The following NPEPL1 variants were observed in gnomAD, a reference collection of about 807,000 sequenced individuals.
NPEPL1 encodes aminopeptidase like 1.
In NPEPL1, 45 loss-of-function variants were observed where a neutral mutation model predicts 52.4. The ratio of observed to expected loss-of-function variants is 0.86; its 90% CI spans 0.68 to 1.10. NPEPL1 has a LOEUF of 1.10. Ranked by LOEUF, NPEPL1 falls within the 50% of genes least tolerant of loss-of-function variation. The pLI, the probability that NPEPL1 is intolerant of heterozygous loss-of-function variation, is 0.00. For synonymous variants in NPEPL1, 360 were observed against 314.7 expected, an observed-to-expected ratio of 1.14 and a Z score of -1.52; for missense variants, 696 against 710.9, an observed-to-expected ratio of 0.98 and a Z score of 0.24.
upstream of NPEPL1, chr20:58,691,957 C>G (rs1183625774): frequency 2.9e-6 from 2 of 697,390 alleles, no homozygotes; most frequent in African/African-American, 3.5e-5. Flanking sequence ...AGGCTCACCC[C>G]TGGCTCCTCC....
upstream of NPEPL1, chr20:58,692,097 G>T: frequency 2.1e-6 from 1 of 480,574 alleles, no homozygotes; most frequent in Non-Finnish European, 3.7e-6. The surrounding 1 kb of genome is among the most constrained non-coding windows in gnomAD (Gnocchi z 5.7). Flanking sequence ...TGTGCCAGAT[G>T]ACCCTTCTTG....
At chr20:58,708,912 G>T (rs1303360352) in intron 7 of NPEPL1, among the ~76,000 whole-genome samples, 2 of 152,142 alleles carry the variant, frequency 1.3e-5, no homozygotes, top group African/African-American at 4.8e-5. Context: ...CCAGCCCTCT[G>T]TGGCCGTCTT....
Position 58,713,439 on chromosome 20 carries a change from A to G in NPEPL1, c.1021A>G (p.Thr341Ala), listed in dbSNP as rs759307607. Reference protein sequence around the residue: ...YSGKTVEINNTDAEGRLVLAD... With the variant: ...YSGKTVEINNADAEGRLVLAD... Reference sequence around the variant, plus strand: ...CCCCAGGACGGTGGAAATCAACAACACGGATGCCGAGGGCAGGCTGGTGCT... The same window carrying G: ...CCCCAGGACGGTGGAAATCAACAACGCGGATGCCGAGGGCAGGCTGGTGCT... Residue 341 changes from threonine (T) to alanine (A), a missense_variant, in exon 9 of 12, where the codon ACG becomes GCG. Transcript: ENST00000356091. The surrounding 1 kb of genome is among the most constrained non-coding windows in gnomAD (Gnocchi z 4.6). The G allele has an allele frequency of 6.2e-7, 1 of 1,608,840 alleles. No homozygotes were observed. The highest frequency in any genetic ancestry group is 8.5e-7 in the Non-Finnish European group (1 of 1,177,746).
At chr20:58,692,043 T>G (rs2084359445), upstream of NPEPL1, 6 of 590,332 alleles carry the variant, frequency 1.0e-5, 1 homozygote, top group South Asian at 1.3e-4. The surrounding 1 kb of genome is among the most constrained non-coding windows in gnomAD (Gnocchi z 5.7). Context: ...CAGGTCACCC[T>G]GCTCCTTCCT....
Position 58,707,167 on chromosome 20 carries a change from C to A in NPEPL1, c.867C>A (p.Ala289=). 2 of 1,552,444 alleles carry A rather than the reference C, an allele frequency of 1.3e-6. No individual in the cohort carries two copies. The highest frequency in any genetic ancestry group is 1.7e-6 in the Non-Finnish European group (2 of 1,147,744). ...AGCGAGACTGCGGGGGTGCTGCGGC[C>A]GTCCTGGGGGCCTTCAGAGCCGCAA... The part of the protein sequence containing the change: ...GMKRDCGGAA[A]VLGAFRAAIK... Residue 289 remains alanine (A), a synonymous_variant, in exon 7 of 12, where the codon GCC becomes GCA. Transcript: ENST00000356091.
intron 6 of NPEPL1, chr20:58,705,389 C>T (rs892594549): frequency 3.2e-5 from 14 of 444,058 alleles, no homozygotes; most frequent in Middle Eastern, 3.3e-4. Context: ...ATGAGTCACA[C>T]GGAATATGGA....
In NPEPL1 at chr20:58,713,226, G is replaced by C. The variant is rs148508965; in HGVS notation, c.1002-194G>C. On this transcript the variant is annotated intron_variant, in intron 8 of 11. Transcript: ENST00000356091. The surrounding 1 kb of genome is among the most constrained non-coding windows in gnomAD (Gnocchi z 4.6). ...AGCAGCGGGGCAGGGATGTCACCTG[G>C]AAGCCCTTTGCTCCAGGCACTGCAT... 1.8e-3 allele frequency: 1,135 copies of C among 618,070 alleles called. 9 individuals are homozygous for C. The African/African-American group carries it at 0.019, about 10-fold the overall frequency. The allele number at this position is 618,070 out of a possible 1,614,324, so 38.3% of individuals were successfully genotyped here.
chr20:58,694,005 C>A, intron 2 of NPEPL1, 83 bp downstream of exon 2: 1 of 1,327,568 alleles, frequency 7.5e-7, no homozygotes, highest in Non-Finnish European at 1.0e-6. Flanking sequence ...CAGCCCTGCT[C>A]AGACTGCAGC....
chr20:58,714,209 A>T (rs2123157177), intron 10 of NPEPL1, 116 bp downstream of exon 10: 1 of 1,156,846 alleles, frequency 8.6e-7, no homozygotes, highest in Non-Finnish European at 1.2e-6. Context: ...AAGCAGCCAC[A>T]GTGCAGACGA....
In NPEPL1 at chr20:58,699,236, A is replaced by G. The variant is rs902757272; in HGVS notation, c.637A>G (p.Thr213Ala). The G allele has an allele frequency of 2.7e-5, 44 of 1,606,360 alleles. No individual in the cohort carries two copies. Among genetic ancestry groups the G allele is most frequent in the African/African-American group, 6.7e-5 (5 of 74,822 alleles). ...TGGAAAGGAGCTGGGGATCATCCCA[A>G]CCATCATCCGGGATGAGGAACTGAA... ...KVGKELGIIP[T>A]IIRDEELKTR... Residue 213 changes from threonine to alanine, a missense_variant, in exon 5 of 12, where the codon ACC becomes GCC. Thr to Ala is a moderately conservative substitution (Grantham distance 58, BLOSUM62 0). Transcript: ENST00000356091.
At chr20:58,708,638 A>G (rs921381677) in intron 7 of NPEPL1, among the ~76,000 whole-genome samples, 4 of 152,232 alleles carry the variant, frequency 2.6e-5, no homozygotes, top group Non-Finnish European at 4.4e-5. Flanking sequence ...ACCAAGGGAC[A>G]CGGCTGGCAC....
At chr20:58,707,816 G>T (rs1290719656) in intron 7 of NPEPL1, among the ~76,000 whole-genome samples, 1 of 152,240 alleles carries the variant, frequency 6.6e-6, no homozygotes, top group Non-Finnish European at 1.5e-5. Context: ...GCCAGCTCAT[G>T]CTGGTAATCC....
At position 58,704,363 on chromosome 20, in the gene NPEPL1, T is replaced by C. The variant is rs1307758248; in HGVS notation, c.823-2760T>C. ...CCAGCCTGGACTAGCAGGCCTCAAA[T>C]GCATTACTGGAGACCCCTTTACGCT... On this transcript the variant is annotated intron_variant, in intron 6 of 11. Coordinates refer to ENST00000356091, the MANE Select transcript of NPEPL1 (RefSeq NM_024663.4). 65 of 985,282 alleles carry C rather than the reference T, an allele frequency of 6.6e-5. 1 individual carries two copies. Among genetic ancestry groups the C allele is most frequent in the Non-Finnish European group, 7.8e-5 (65 of 829,926 alleles). 61.0% of individuals were successfully genotyped at this position (985,282 alleles called of 1,614,324 possible).
At chr20:58,712,697 G>A (rs1337632305) in intron 8 of NPEPL1, 118 bp downstream of exon 8, 4 of 772,866 alleles carry the variant, frequency 5.2e-6, no homozygotes, top group Non-Finnish European at 9.1e-6. Context: ...GGGTCCCCTG[G>A]GCAGCAGGCT....
At chr20:58,699,551 G>A (rs765236511) in intron 5 of NPEPL1, among the ~76,000 whole-genome samples, 127 of 152,192 alleles carry the variant, frequency 8.3e-4, no homozygotes, top group African/African-American at 3.0e-3. Context: ...GCGTCCTCGC[G>A]TGCTGCACAC....
At chr20:58,700,159 C>T (rs942313029) in intron 5 of NPEPL1, among the ~76,000 whole-genome samples, 13 of 152,228 alleles carry the variant, frequency 8.5e-5, no homozygotes, top group Admixed American at 3.3e-4. Flanking sequence ...GGATAAAGAG[C>T]GAGCAAACAA....
Position 58,693,844 on chromosome 20 carries a change from C to G in NPEPL1, c.258C>G (p.His86Gln), listed in dbSNP as rs1470848062. ...VAALPCRVSRHNSPSAAHFIT... is the reference protein window; with the variant it reads ...VAALPCRVSRQNSPSAAHFIT... ...CCCTGCCCTGCAGGGTGAGCCGGCA[C>G]AACAGCCCCTCGGCCGCCCACTTCA... Residue 86 changes from histidine to glutamine, a missense_variant, in exon 2 of 12, where the codon CAC becomes CAG. Transcript: ENST00000356091. 8 of 1,613,546 alleles carry G rather than the reference C, an allele frequency of 5.0e-6. No homozygotes were observed. The African/African-American group carries it at 8.0e-5, about 16-fold the overall frequency.
At chr20:58,699,933 G>A (rs2084578725) in intron 5 of NPEPL1, among the ~76,000 whole-genome samples, 1 of 152,244 alleles carries the variant, frequency 6.6e-6, no homozygotes, top group Non-Finnish European at 1.5e-5. Context: ...TGTGGGTTGG[G>A]GATCTTCCCC....
upstream of NPEPL1, among the ~76,000 whole-genome samples, chr20:58,689,462 T>C (rs2123061384): frequency 6.6e-6 from 1 of 152,252 alleles, no homozygotes; most frequent in African/African-American, 2.4e-5. Flanking sequence ...GTTTTCACCA[T>C]GTTGGCCAGG....
Sources: gnomAD v4.1 joint callset for allele counts (sites outside exome capture counted in the v4.1 genomes callset) on GRCh38, gnomAD v4.1.1 for gene constraint, Gnocchi (gnomAD v3.1) non-coding constraint, MANE v1.5 for transcripts, NCBI Gene and HGNC (gene_info 2026-07-23, HGNC 2026-07-21) for gene names.